The following CFAP100 variants were observed in gnomAD, a reference collection of about 807,000 sequenced individuals.
CFAP100 encodes cilia and flagella associated protein 100, also known as cilia- and flagella-associated protein 100.
A neutral mutation model predicts 81.5 loss-of-function variants in CFAP100; 70 were observed. That is an observed-to-expected ratio of 0.86 (90% CI 0.71 to 1.05). The LOEUF is 1.05. Ranked by LOEUF, CFAP100 falls within the 50% of genes least tolerant of loss-of-function variation. The pLI is 0.00. For synonymous variants in CFAP100, 341 were observed against 314.8 expected, an observed-to-expected ratio of 1.08 and a Z score of -0.88; for missense variants, 811 against 776.5, an observed-to-expected ratio of 1.04 and a Z score of -0.53.
At chr3:126,432,999 G>A (rs1933290557) in intron 13 of CFAP100, 70 bp from the exon 14 acceptor site, 3 of 1,581,354 alleles carry the variant, frequency 1.9e-6, no homozygotes, top group Non-Finnish European at 2.6e-6. Context: ...TGTACAGACA[G>A]GCTCAGAGAA....
chr3:126,431,792 T>C (rs1933240682), intron 13 of CFAP100, among the ~76,000 whole-genome samples: 2 of 152,228 alleles, frequency 1.3e-5, no homozygotes. Flanking sequence ...ACTTTCCCTA[T>C]ACTGAAGTGC....
intron 2 of CFAP100, among the ~76,000 whole-genome samples, chr3:126,402,013 T>C (rs1265148472): frequency 1.3e-5 from 2 of 152,190 alleles, no homozygotes; most frequent in Non-Finnish European, 2.9e-5. Flanking sequence ...GGAATATCTC[T>C]CACTTCTCTT....
chr3:126,413,400 T>C (rs1297304907), intron 3 of CFAP100, among the ~76,000 whole-genome samples: 7 of 152,124 alleles, frequency 4.6e-5, no homozygotes, highest in African/African-American at 1.7e-4. Flanking sequence ...TTCTGGGGGG[T>C]TGGGGTTGGG....
chr3:126,423,223 G>C lies in CFAP100; in HGVS notation c.1083-102G>C. 4 of 914,890 alleles carry C rather than the reference G, an allele frequency of 4.4e-6. No individual in the cohort carries two copies. The South Asian group carries it at 6.9e-5, about 16-fold the overall frequency. The allele number at this position is 914,890 out of a possible 1,614,324, so 56.7% of individuals were successfully genotyped here. On this transcript the variant is annotated intron_variant, in intron 11 of 16. Transcript: ENST00000352312. ...ACTTGTGGGCAGCTGGGAGAGGAGG[G>C]ATGGGGATGCTGCCAACGCCTTCAA...
intron 8 of CFAP100, 149 bp from the exon 9 acceptor site, chr3:126,419,488 C>T: frequency 1.4e-6 from 1 of 708,598 alleles, no homozygotes. Flanking sequence ...GCCTGTCTTC[C>T]AGCATGTGGC....
At position 126,428,023 on chromosome 3, in the gene CFAP100, G is replaced by A. The variant is rs115524383; in HGVS notation, c.1286+4379G>A. On this transcript the variant is annotated intron_variant, in intron 13 of 16. Coordinates refer to ENST00000352312, the MANE Select transcript of CFAP100 (RefSeq NM_182628.3). The stretch of plus-strand genomic sequence containing the variant: ...AAAGGGATGGTGCTACACCATTCAT[G>A]AGAAACTGCCCCCATGATCCAATCA... Among the ~76,000 whole-genome samples the A allele has an allele frequency of 6.3e-3, 964 of 152,284 alleles. 16 individuals are homozygous for A. Among genetic ancestry groups the A allele is most frequent in the African/African-American group, 0.022 (914 of 41,552 alleles).
chr3:126,434,253 C>T lies in CFAP100; in HGVS notation c.1500C>T (p.Asn500=). 1 of 1,614,016 alleles carries T rather than the reference C, an allele frequency of 6.2e-7. No individual in the cohort carries two copies. Residue 500 remains asparagine (N), a synonymous_variant, in exon 15 of 17, where the codon AAC becomes AAT. Coordinates refer to ENST00000352312, the MANE Select transcript of CFAP100 (RefSeq NM_182628.3). ...RHCTGTQQEA[N]LGTVQMLTII... ...GCACCGGCACCCAGCAGGAGGCCAA[C>T]CTGGGCACCGTGCAGATGCTGACCA...
At chr3:126,434,931 C>T (rs1933383392) in intron 15 of CFAP100, among the ~76,000 whole-genome samples, 1 of 152,210 alleles carries the variant, frequency 6.6e-6, no homozygotes, top group Middle Eastern at 3.4e-3. Context: ...GGCAGATGGG[C>T]AGCAGCTTGC....
At position 126,422,036 on chromosome 3, in the gene CFAP100, G is replaced by C. The variant is rs541496290; in HGVS notation, c.1083-1289G>C. ...CAGAGTCGGGGATCACACTGTCCTG[G>C]GTTTCAATCCTGGCCCCTCCATCTA... On this transcript the variant is annotated intron_variant, in intron 11 of 16. Coordinates refer to ENST00000352312, the MANE Select transcript of CFAP100 (RefSeq NM_182628.3). Among the ~76,000 whole-genome samples the C allele has an allele frequency of 5.8e-4, 89 of 152,338 alleles. 1 individual carries two copies. The South Asian group carries it at 0.018, about 31-fold the overall frequency.
intron 5 of CFAP100, among the ~76,000 whole-genome samples, chr3:126,417,161 C>A (rs912064486): frequency 4.6e-5 from 7 of 152,300 alleles, no homozygotes; most frequent in Admixed American, 2.6e-4. Context: ...GCAGCAGCTG[C>A]AGCATTTCAC....
chr3:126,423,601 C>A lies in CFAP100; in HGVS notation c.1243C>A (p.Leu415Met). 1 of 1,614,210 alleles carries A rather than the reference C, an allele frequency of 6.2e-7. No individual in the cohort carries two copies. The highest frequency in any genetic ancestry group is 8.5e-7 in the Non-Finnish European group (1 of 1,180,024). ...GAACAGCCAGGAGACGGAGAAGACC[C>A]TGGAGGAGCTGAGCCACACCCTGAA... Reference protein sequence around the residue: ...IQNSQETEKTLEELSHTLKHT... With the variant: ...IQNSQETEKTMEELSHTLKHT... The change falls in exon 13 of 17, where the codon CTG becomes ATG. Residue 415 changes from leucine to methionine, a missense_variant. By Grantham distance (15) the Leu-to-Met change is conservative. Coordinates refer to ENST00000352312, the MANE Select transcript of CFAP100 (RefSeq NM_182628.3).
rs1402054802 is a variant in CFAP100, at chr3:126,433,136, GAC to G, written c.1358_1359del (p.Thr453SerfsTer3). 6.2e-7 allele frequency: 1 copy of G among 1,614,236 alleles called. No homozygotes were observed. ...TMMMSITKEE[D>X]TAAELELKAR... ...GATGATGTCCATCACCAAGGAGGAG[GAC>G]ACAGCAGCTGAGCTGGAGCTCAAAG... is the stretch of plus-strand genomic sequence containing the variant. On this transcript the variant is annotated frameshift_variant, in exon 14 of 17. Coordinates refer to ENST00000352312, the MANE Select transcript of CFAP100 (RefSeq NM_182628.3). LOFTEE classifies it high-confidence loss of function.
chr3:126,434,223 GCA>G lies in CFAP100; in HGVS notation c.1472_1473del (p.His491LeufsTer20). On this transcript the variant is annotated frameshift_variant, in exon 15 of 17. Transcript: ENST00000352312. LOFTEE classifies it high-confidence loss of function. ...ACTGCAAGGTGCTGGATGTGTACCGGCACTGCACCGGCACCCAGCAGGAGGCC... is the reference window on the plus strand; with the variant it reads ...ACTGCAAGGTGCTGGATGTGTACCGGCTGCACCGGCACCCAGCAGGAGGCC... The part of the protein sequence containing the change: ...LNCKVLDVYR[H>X]CTGTQQEANL... The G allele has an allele frequency of 6.2e-7, 1 of 1,613,842 alleles. No individual in the cohort carries two copies. The highest frequency in any genetic ancestry group is 8.5e-7 in the Non-Finnish European group (1 of 1,179,970).
At position 126,413,487 on chromosome 3, in the gene CFAP100, G is replaced by A. The variant is rs188797672; in HGVS notation, c.131-598G>A. Among the ~76,000 whole-genome samples the A allele has an allele frequency of 4.8e-4, 73 of 152,352 alleles. 2 individuals are homozygous for A. In the East Asian group the frequency reaches 8.7e-3, roughly 18 times the overall value. ...TTGGCTGCTTGAGGCTCACAGGGAG[G>A]CTGCTGGCATCAGCTCCGTCTCTGA... On this transcript the variant is annotated intron_variant, in intron 3 of 16. Coordinates refer to ENST00000352312, the MANE Select transcript of CFAP100 (RefSeq NM_182628.3).
At chr3:126,413,651 G>A (rs1576628187) in intron 3 of CFAP100, among the ~76,000 whole-genome samples, 1 of 152,252 alleles carries the variant, frequency 6.6e-6, no homozygotes. Flanking sequence ...GAGGACTGGA[G>A]AGGCCTGAAG....
At position 126,416,443 on chromosome 3, in the gene CFAP100, G is replaced by GC; in HGVS notation, c.354dup (p.Ala119ArgfsTer28). 1 of 1,610,764 alleles carries GC rather than the reference G, an allele frequency of 6.2e-7. No homozygotes were observed. The highest frequency in any genetic ancestry group is 8.5e-7 in the Non-Finnish European group (1 of 1,179,018). Reference sequence around the variant, plus strand: ...GACAAGCAGGAGGACCTGGAGGCGCGCGCCGAGGCCGAGCATCAGCGCGCC... The same window carrying GC: ...GACAAGCAGGAGGACCTGGAGGCGCGCCGCCGAGGCCGAGCATCAGCGCGCC... On this transcript the variant is annotated frameshift_variant, in exon 5 of 17. Transcript: ENST00000352312. LOFTEE classifies it high-confidence loss of function.
At chr3:126,433,292 G>A (rs987684168) in intron 14 of CFAP100, 88 bp downstream of exon 14, 1 of 1,515,522 alleles carries the variant, frequency 6.6e-7, no homozygotes, top group African/African-American at 1.4e-5. Context: ...CCCTTGGGAA[G>A]ATGGAGGACA....
At position 126,418,498 on chromosome 3, in the gene CFAP100, G is replaced by A; in HGVS notation, c.459G>A (p.Lys153=). ...VEPENMSGYI[K]QKRQMFLLQY... ...CTGAGAACATGAGTGGCTACATTAA[G>A]CAGAAGCGGCAAATGTTCCTCCTCC... The change falls in exon 6 of 17, where the codon AAG becomes AAA. Residue 153 remains lysine, a synonymous_variant. Transcript: ENST00000352312. The A allele has an allele frequency of 6.2e-7, 1 of 1,614,128 alleles. No homozygotes were observed. The highest frequency in any genetic ancestry group is 8.5e-7 in the Non-Finnish European group (1 of 1,180,030).
intron 7 of CFAP100, 23 bp downstream of exon 7, chr3:126,418,797 C>T (rs1192528251): frequency 9.0e-6 from 14 of 1,557,476 alleles, no homozygotes; most frequent in Non-Finnish European, 1.2e-5. Context: ...GCCCGAGGGG[C>T]TGGCTGGGCA....
Sources: gnomAD v4.1 joint callset for allele counts (sites outside exome capture counted in the v4.1 genomes callset) on GRCh38, gnomAD v4.1.1 for gene constraint, MANE v1.5 for transcripts, NCBI Gene and HGNC (gene_info 2026-07-23, HGNC 2026-07-21) for gene names.